The following VPS37A variants were observed in gnomAD, a reference collection of about 807,000 sequenced individuals.
The protein encoded by VPS37A is vacuolar protein sorting-associated protein 37A.
VPS37A carries 30 observed loss-of-function variants against 49.8 expected under a neutral mutation model. The ratio of observed to expected loss-of-function variants is 0.60; its 90% CI spans 0.45 to 0.82. The LOEUF is 0.82. VPS37A is among the 40% of genes least tolerant of loss of function. The pLI, the probability that VPS37A is intolerant of heterozygous loss-of-function variation, is 0.00. For synonymous variants in VPS37A, 195 were observed against 160.6 expected (o/e 1.21, Z -1.62); for missense variants, 593 against 464.4 (o/e 1.28, Z -2.55).
chr8:17,252,890 G>A (rs1005961465), intron 1 of VPS37A, among the ~76,000 whole-genome samples: 1 of 152,180 alleles, frequency 6.6e-6, no homozygotes, highest in African/African-American at 2.4e-5. Context: ...TTTTGACTGT[G>A]TAAATGCACT....
chr8:17,280,240 A>C lies in VPS37A; in HGVS notation c.843A>C (p.Arg281Ser), dbSNP rs1188081125. 6.2e-7 allele frequency: 1 copy of C among 1,612,686 alleles called. No individual in the cohort carries two copies. Among genetic ancestry groups the C allele is most frequent in the Non-Finnish European group, 8.5e-7 (1 of 1,179,296 alleles). Reference protein sequence around the residue: ...DLVKSIEELARKNLLLEPSLE... With the variant: ...DLVKSIEELASKNLLLEPSLE... ...GTAAACTAGAGATTTATCTTACAGG[A>C]AAAAATCTCCTTTTGGAGCCCAGCT... The change falls in exon 8 of 12, where the codon AGA (arginine) becomes AGC (serine). Residue 281 changes from arginine (R) to serine (S), a missense_variant and splice_region_variant. Coordinates refer to ENST00000324849, the MANE Select transcript of VPS37A (RefSeq NM_152415.3).
Position 17,282,996 on chromosome 8 carries a change from A to G in VPS37A, c.970-1477A>G, listed in dbSNP as rs1815232099. On this transcript the variant is annotated intron_variant, in intron 9 of 11. Coordinates refer to ENST00000324849, the MANE Select transcript of VPS37A (RefSeq NM_152415.3). ...GAATAAATAACTGGAAACTTTGGAAAATATGTTCAACTTTACTGTAATTTT... is the reference window on the plus strand; with the variant it reads ...GAATAAATAACTGGAAACTTTGGAAGATATGTTCAACTTTACTGTAATTTT... Among the ~76,000 whole-genome samples, 3 of 152,198 alleles carry G rather than the reference A, an allele frequency of 2.0e-5. No homozygotes were observed. The South Asian group carries it at 6.2e-4, about 31-fold the overall frequency.
At chr8:17,298,507 C>T (rs1189838316), downstream of VPS37A, 2 of 152,154 alleles carry the variant, frequency 1.3e-5, no homozygotes, top group Admixed American at 1.3e-4. Flanking sequence ...CTTTCTTGCC[C>T]TCGTCCTCAT....
At chr8:17,260,936 T>C (rs1812908060) in intron 1 of VPS37A, among the ~76,000 whole-genome samples, 1 of 152,328 alleles carries the variant, frequency 6.6e-6, no homozygotes, top group South Asian at 2.1e-4. Context: ...GATGATTATA[T>C]GCCTAGGAGT....
At chr8:17,303,994 A>G (rs1208299006), downstream of VPS37A, among the ~76,000 whole-genome samples, 1 of 152,202 alleles carries the variant, frequency 6.6e-6, no homozygotes. Flanking sequence ...TTTGTTGTAT[A>G]ACGGCAAAAA....
downstream of VPS37A, chr8:17,304,342 C>G (rs766101278): frequency 6.3e-7 from 1 of 1,596,650 alleles, no homozygotes; most frequent in East Asian, 2.3e-5. Context: ...AATCCAAGTT[C>G]ATACCATGGC....
intron 1 of VPS37A, among the ~76,000 whole-genome samples, chr8:17,255,848 G>A (rs548620705): frequency 1.3e-5 from 2 of 152,244 alleles, no homozygotes; most frequent in South Asian, 4.1e-4. Flanking sequence ...TTCCACTCAT[G>A]TTGCTGTAAA....
chr8:17,302,882 AT>A (rs35734209), downstream of VPS37A, among the ~76,000 whole-genome samples: 1 of 150,796 alleles, frequency 6.6e-6, no homozygotes, highest in Non-Finnish European at 1.5e-5. Flanking sequence ...CTAATTTTAT[AT>A]TTTTTTTAGT....
the VPS37A span, among the ~76,000 whole-genome samples, chr8:17,327,010 G>C: frequency 6.6e-6 from 1 of 152,172 alleles, no homozygotes; most frequent in Admixed American, 6.6e-5. Flanking sequence ...TGCTCTCCTA[G>C]TCTTTCTTCA....
chr8:17,261,900 A>C (rs541796222), intron 1 of VPS37A, among the ~76,000 whole-genome samples: 16 of 152,152 alleles, frequency 1.1e-4, no homozygotes, highest in Non-Finnish European at 2.4e-4. Context: ...TGAGGATGGT[A>C]GTCTTGCCTC....
chr8:17,327,366 G>C, the VPS37A span, among the ~76,000 whole-genome samples: 2 of 152,114 alleles, frequency 1.3e-5, no homozygotes, highest in African/African-American at 4.8e-5. Flanking sequence ...AACCTCCCAG[G>C]CCCAAGTGAT....
chr8:17,281,912 A>G (rs535940592), intron 9 of VPS37A, among the ~76,000 whole-genome samples: 5 of 152,212 alleles, frequency 3.3e-5, no homozygotes, highest in African/African-American at 9.6e-5. Context: ...GACTATTTAG[A>G]GCAGCATAGA....
At chr8:17,312,883 T>C in the VPS37A span, among the ~76,000 whole-genome samples, 1 of 152,312 alleles carries the variant, frequency 6.6e-6, no homozygotes, top group East Asian at 1.9e-4. Context: ...CATTTTCCTA[T>C]GGCGGAATGG....
intron 5 of VPS37A, 139 bp from the exon 6 acceptor site, chr8:17,276,258 G>A: frequency 1.5e-6 from 1 of 646,432 alleles, no homozygotes; most frequent in Non-Finnish European, 2.6e-6. Context: ...GGAGACTAAG[G>A]CAGTGTGAGA....
intron 4 of VPS37A, among the ~76,000 whole-genome samples, chr8:17,274,435 A>G (rs1032750455): frequency 1.3e-5 from 2 of 152,224 alleles, no homozygotes; most frequent in Admixed American, 6.5e-5. Context: ...TGAAAACTCA[A>G]AAATGGCCTG....
At chr8:17,304,589 A>G (rs989322544), downstream of VPS37A, 1 of 1,502,780 alleles carries the variant, frequency 6.7e-7, no homozygotes, top group African/African-American at 1.4e-5. Flanking sequence ...TGTTATATTA[A>G]TGCTGGAAAG....
chr8:17,288,364 C>T (rs1372632839), intron 11 of VPS37A, among the ~76,000 whole-genome samples: 1 of 152,068 alleles, frequency 6.6e-6, no homozygotes, highest in Non-Finnish European at 1.5e-5. Context: ...AATGCTATTC[C>T]TCTCCTTGCC....
At chr8:17,311,793 G>A in the VPS37A span, 1 of 1,162,222 alleles carries the variant, frequency 8.6e-7, no homozygotes, top group Non-Finnish European at 1.2e-6. Flanking sequence ...AATTAGGGCA[G>A]AGCCAGAGTG....
intron 1 of VPS37A, among the ~76,000 whole-genome samples, chr8:17,261,096 A>G (rs1812921862): frequency 6.6e-6 from 1 of 152,186 alleles, no homozygotes; most frequent in African/African-American, 2.4e-5. Flanking sequence ...TTTGAACACC[A>G]GTAATTCTTA....
Sources: allele counts gnomAD v4.1 joint callset (sites outside exome capture counted in the v4.1 genomes callset), GRCh38; gene constraint gnomAD v4.1.1; transcripts MANE v1.5; gene names NCBI Gene and HGNC (gene_info 2026-07-23, HGNC 2026-07-21).